Variants in CCDC7 observed in about 807,000 individuals in gnomAD.
CCDC7 encodes coiled-coil domain containing 7.
A neutral mutation model predicts 196.9 loss-of-function variants in CCDC7; 183 were observed. That is an observed-to-expected ratio of 0.93 (90% CI 0.82 to 1.05). The LOEUF is 1.05. Ranked by LOEUF, CCDC7 falls within the 50% of genes least tolerant of loss-of-function variation. The pLI, the probability that CCDC7 is intolerant of heterozygous loss-of-function variation, is 0.00. For synonymous variants in CCDC7, 525 were observed against 484.6 expected, an observed-to-expected ratio of 1.08 and a Z score of -1.10; for missense variants, 1,540 against 1,482.2, an observed-to-expected ratio of 1.04 and a Z score of -0.64.
intron 16 of CCDC7, among the ~76,000 whole-genome samples, chr10:32,580,855 G>C (rs1423026084): frequency 7.7e-6 from 1 of 129,868 alleles, no homozygotes; most frequent in African/African-American, 2.8e-5. Flanking sequence ...GTATTGGAAA[G>C]AAAAAAAAAA....
At chr10:32,541,758 C>A (rs2051477182) in intron 11 of CCDC7, among the ~76,000 whole-genome samples, 1 of 152,208 alleles carries the variant, frequency 6.6e-6, no homozygotes, top group Non-Finnish European at 1.5e-5. Context: ...TGGCTCCTAC[C>A]TCAGTCTAGA....
intron 30 of CCDC7, among the ~76,000 whole-genome samples, chr10:32,811,015 G>A (rs2086969874): frequency 6.6e-6 from 1 of 151,870 alleles, no homozygotes; most frequent in African/African-American, 2.4e-5. Context: ...TATAACAAAA[G>A]CAATGCTAAA....
intron 20 of CCDC7, among the ~76,000 whole-genome samples, chr10:32,649,508 A>G (rs1402530225): frequency 6.6e-6 from 1 of 152,184 alleles, no homozygotes; most frequent in Admixed American, 6.5e-5. Context: ...AGGAATGATT[A>G]TCTTATATCG....
At position 32,834,813 on chromosome 10, in the gene CCDC7, A is replaced by G; in HGVS notation, c.3269-2A>G. 2.2e-6 allele frequency: 3 copies of G among 1,359,328 alleles called. No homozygotes were observed. Among genetic ancestry groups the G allele is most frequent in the Non-Finnish European group, 3.1e-6 (3 of 958,738 alleles). The allele number at this position is 1,359,328 out of a possible 1,614,324, so 84.2% of individuals were successfully genotyped here. A position where few individuals can be genotyped will look rare whatever the true frequency, so the allele number is the denominator to read the frequency against. ...TTTTGAAAACCTGTTTTATTTTTAT[A>G]GAGACTGTCTTAAAACACTTGAAAG... On this transcript the variant is annotated splice_acceptor_variant, in intron 32 of 41. Transcript: ENST00000639629. LOFTEE classifies it high-confidence loss of function.
chr10:32,631,568 T>A (rs2064866639), intron 18 of CCDC7, among the ~76,000 whole-genome samples: 1 of 152,140 alleles, frequency 6.6e-6, no homozygotes, highest in South Asian at 2.1e-4. Flanking sequence ...ACCAAGTTTT[T>A]AAATTGGGAG....
intron 11 of CCDC7, among the ~76,000 whole-genome samples, chr10:32,539,051 T>G (rs1245658273): frequency 1.3e-5 from 2 of 152,098 alleles, no homozygotes; most frequent in African/African-American, 2.4e-5. Context: ...ATAATTTTAG[T>G]AGGAATTTAG....
chr10:32,805,200 A>C (rs932293013), intron 30 of CCDC7, 102 bp downstream of exon 31: 2 of 796,814 alleles, frequency 2.5e-6, no homozygotes, highest in Non-Finnish European at 4.3e-6. Flanking sequence ...TTATTATGAC[A>C]TGGGCACAGG....
At chr10:32,657,896 C>T (rs374265648) in intron 20 of CCDC7, among the ~76,000 whole-genome samples, 1 of 152,296 alleles carries the variant, frequency 6.6e-6, no homozygotes, top group East Asian at 1.9e-4. Context: ...TACCATAAAT[C>T]ATCTCTCTCA....
At chr10:32,694,804 T>C in intron 23 of CCDC7, 75 bp from the exon 25 acceptor site, 1 of 841,376 alleles carries the variant, frequency 1.2e-6, no homozygotes, top group South Asian at 2.8e-5. Context: ...GCTACACAAT[T>C]ACAAGTTTGA....
chr10:32,634,966 CTAT>C, intron 19 of CCDC7, 88 bp from the exon 21 acceptor site: 1 of 395,432 alleles, frequency 2.5e-6, no homozygotes, highest in Non-Finnish European at 4.5e-6. Context: ...CTTCCTAGTC[CTAT>C]TCCATTAATT....
At chr10:32,765,572 A>G (rs373779950) in intron 28 of CCDC7, among the ~76,000 whole-genome samples, 1 of 152,068 alleles carries the variant, frequency 6.6e-6, no homozygotes, top group Non-Finnish European at 1.5e-5. Context: ...ACTAGAACTG[A>G]TTCTACCTAG....
chr10:32,814,312 T>A, intron 30 of CCDC7, 58 bp from the exon 32 acceptor site: 1 of 1,189,992 alleles, frequency 8.4e-7, no homozygotes, highest in Non-Finnish European at 1.2e-6. Flanking sequence ...ACTCACACTG[T>A]CACATTTGTG....
intron 18 of CCDC7, among the ~76,000 whole-genome samples, chr10:32,621,489 T>G (rs187602141): frequency 6.6e-6 from 1 of 152,172 alleles, no homozygotes; most frequent in South Asian, 2.1e-4. Flanking sequence ...TCTATCAATA[T>G]ATAGATACAC....
intron 41 of CCDC7, among the ~76,000 whole-genome samples, chr10:32,869,956 T>C (rs371740866): frequency 8.5e-5 from 13 of 152,138 alleles, no homozygotes; most frequent in Admixed American, 1.3e-4. Context: ...TTGGTCTATA[T>C]CTCTGTTTTG....
At chr10:32,715,519 A>G (rs2081435762) in intron 25 of CCDC7, among the ~76,000 whole-genome samples, 1 of 152,204 alleles carries the variant, frequency 6.6e-6, no homozygotes. Context: ...ACTCCTCGTC[A>G]GCAAGGGAAT....
intron 30 of CCDC7, among the ~76,000 whole-genome samples, chr10:32,809,318 A>G (rs946756587): frequency 6.6e-6 from 1 of 152,204 alleles, no homozygotes; most frequent in Non-Finnish European, 1.5e-5. Context: ...ACACAGATAA[A>G]CAATACAAAG....
At chr10:32,835,234 T>A (rs1246367323) in intron 33 of CCDC7, among the ~76,000 whole-genome samples, 3 of 152,108 alleles carry the variant, frequency 2.0e-5, no homozygotes, top group Non-Finnish European at 4.4e-5. Flanking sequence ...TCTGTCTCAA[T>A]TATCTGTCTA....
chr10:32,505,254 T>A (rs895524902), intron 9 of CCDC7, among the ~76,000 whole-genome samples: 29 of 151,980 alleles, frequency 1.9e-4, no homozygotes, highest in Non-Finnish European at 1.6e-4. Context: ...GGCAGGGTCA[T>A]AGGATAATAG....
chr10:32,770,538 G>C (rs915904196), intron 28 of CCDC7, among the ~76,000 whole-genome samples: 2 of 152,028 alleles, frequency 1.3e-5, no homozygotes, highest in Non-Finnish European at 2.9e-5. Flanking sequence ...CCTATTATAT[G>C]GTCTGTCTTG....
Sources: gnomAD v4.1 joint callset for allele counts (sites outside exome capture counted in the v4.1 genomes callset) on GRCh38, gnomAD v4.1.1 for gene constraint, MANE v1.5 for transcripts, NCBI Gene and HGNC (gene_info 2026-07-23, HGNC 2026-07-21) for gene names.